SEMA6D: variants seen among roughly 807,000 people sequenced by gnomAD.
SEMA6D encodes semaphorin 6D, also known as semaphorin-6D.
In SEMA6D, 35 loss-of-function variants were observed where a neutral mutation model predicts 106.6. The ratio of observed to expected loss-of-function variants is 0.33; its 90% CI spans 0.25 to 0.44. The LOEUF (loss-of-function observed/expected upper bound fraction) is 0.44, where lower values mean the gene tolerates loss of function less well. Among genes scored for constraint, SEMA6D ranks in the 20% least tolerant of loss-of-function variants. The probability of loss-of-function intolerance (pLI) is 1.00; values close to 1 mark genes in which losing one functional copy is unlikely to be tolerated. For missense variants in SEMA6D, 1,185 were observed against 1,345.9 expected, an observed-to-expected ratio of 0.88 and a Z score of 1.87; for synonymous variants, 499 against 487.7, an observed-to-expected ratio of 1.02 and a Z score of -0.31.
chr15:47,669,667 C>T (rs2078101486), intron 4 of SEMA6D, among the ~76,000 whole-genome samples: 1 of 152,186 alleles, frequency 6.6e-6, no homozygotes, highest in Non-Finnish European at 1.5e-5. Flanking sequence ...GATATAAATT[C>T]CTCTGTCAAT....
chr15:47,715,719 C>T (rs906171182), upstream of SEMA6D, among the ~76,000 whole-genome samples: 3 of 152,192 alleles, frequency 2.0e-5, no homozygotes, highest in Non-Finnish European at 2.9e-5. Context: ...CTTCAGGTGG[C>T]ACTCTGGAAA....
At position 47,771,942 on chromosome 15, in the gene SEMA6D, A is replaced by G. The variant is rs1466079060; in HGVS notation, c.*157A>G. The G allele has an allele frequency of 1.0e-5, 7 of 691,526 alleles. No individual in the cohort carries two copies. The highest frequency in any genetic ancestry group is 1.7e-5 in the Non-Finnish European group (7 of 413,504). 42.8% of individuals were successfully genotyped at this position (691,526 alleles called of 1,614,324 possible). ...AACTTTGGCAACATCAGAACTTGCC[A>G]CATGTAGCTACTGCAGCAAGGCTTC... is the stretch of plus-strand genomic sequence containing the variant. On this transcript the variant is annotated 3_prime_UTR_variant, in exon 19 of 19. Coordinates refer to ENST00000536845, the MANE Select transcript of SEMA6D (RefSeq NM_001358351.3).
chr15:47,677,985 G>A (rs1566979477), intron 4 of SEMA6D, among the ~76,000 whole-genome samples: 1 of 152,118 alleles, frequency 6.6e-6, no homozygotes, highest in Non-Finnish European at 1.5e-5. Context: ...AAGGGAGTGT[G>A]AAAATGGGAA....
At chr15:47,755,192 C>T (rs1211443388) in intron 1 of SEMA6D, among the ~76,000 whole-genome samples, 1 of 151,942 alleles carries the variant, frequency 6.6e-6, no homozygotes, top group Non-Finnish European at 1.5e-5. Context: ...CCTCATGATC[C>T]CCCCGCCTCG....
intron 3 of SEMA6D, among the ~76,000 whole-genome samples, chr15:47,535,310 T>C (rs2142118639): frequency 6.6e-6 from 1 of 152,312 alleles, no homozygotes; most frequent in Admixed American, 6.5e-5. Context: ...GGTGTTCACC[T>C]ATCCCACAGA....
chr15:47,582,283 G>A (rs534046551), intron 3 of SEMA6D, among the ~76,000 whole-genome samples: 3 of 152,290 alleles, frequency 2.0e-5, no homozygotes, highest in Admixed American at 6.5e-5. Flanking sequence ...CATGAGACAC[G>A]AGGCATGAGA....
chr15:47,718,941 A>G (rs2079253978), intron 1 of SEMA6D: 1 of 152,190 alleles, frequency 6.6e-6, no homozygotes, highest in African/African-American at 2.4e-5. Flanking sequence ...AAACTGATAC[A>G]GTAGCCTCCT....
chr15:47,285,127 C>A (rs141290696), intron 1 of SEMA6D, among the ~76,000 whole-genome samples: 5 of 152,258 alleles, frequency 3.3e-5, no homozygotes, highest in African/African-American at 1.2e-4. Flanking sequence ...GCTGGCTCAC[C>A]ATTTGAGCTA....
chr15:47,617,633 A>T (rs1399953223), intron 4 of SEMA6D, among the ~76,000 whole-genome samples: 1 of 152,184 alleles, frequency 6.6e-6, no homozygotes, highest in Non-Finnish European at 1.5e-5. Context: ...TTTGAGAAAC[A>T]TTTAGCACGG....
At chr15:47,650,259 A>G (rs913576212) in intron 4 of SEMA6D, among the ~76,000 whole-genome samples, 31 of 152,184 alleles carry the variant, frequency 2.0e-4, no homozygotes, top group African/African-American at 7.5e-4. Flanking sequence ...ACTGGACACT[A>G]TCTCATCTAA....
chr15:47,458,734 T>C (rs2042415158), intron 2 of SEMA6D, among the ~76,000 whole-genome samples: 1 of 151,994 alleles, frequency 6.6e-6, no homozygotes, highest in African/African-American at 2.4e-5. Context: ...TGACTGATAG[T>C]ACTAAACACC....
At chr15:47,359,549 C>A (rs2038719389) in intron 1 of SEMA6D, 4 of 151,994 alleles carry the variant, frequency 2.6e-5, no homozygotes. Context: ...GTTCTGAGAC[C>A]AAGATTCTAC....
rs969270433 is a variant in SEMA6D at position 47,722,223 on chromosome 15, A to G, written c.-55+4531A>G. The stretch of plus-strand genomic sequence containing the variant: ...AAGATCAAACCACCAGAATCACAGA[A>G]TTAGAAGGAGCCATTCAGCCACCAC... On this transcript the variant is annotated intron_variant, in intron 1 of 18. Coordinates refer to ENST00000536845, the MANE Select transcript of SEMA6D (RefSeq NM_001358351.3). 2.6e-5 allele frequency among the ~76,000 whole-genome samples: 4 copies of G among 152,174 alleles called. No homozygotes were observed. The South Asian group carries it at 8.3e-4, about 31-fold the overall frequency.
chr15:47,288,771 A>T (rs561943176), intron 1 of SEMA6D, among the ~76,000 whole-genome samples: 1 of 152,292 alleles, frequency 6.6e-6, no homozygotes, highest in Non-Finnish European at 1.5e-5. Context: ...ACTGCTGTGA[A>T]TATTCCATCT....
intron 2 of SEMA6D, among the ~76,000 whole-genome samples, chr15:47,456,255 C>T (rs74011452): frequency 1.0e-3 from 153 of 152,030 alleles, no homozygotes; most frequent in African/African-American, 3.6e-3. Flanking sequence ...AGTCCATACA[C>T]CTCCATGGTA....
intron 1 of SEMA6D, among the ~76,000 whole-genome samples, chr15:47,391,140 CTCTACCAGACAGCAGT>C (rs2040015432): frequency 1.3e-5 from 2 of 152,094 alleles, no homozygotes; most frequent in African/African-American, 4.8e-5. Context: ...ATTCCAGGTC[CTCTACCAGACAGCAGT>C]TCATAAAAGC....
chr15:47,458,469 A>G (rs146122483), intron 2 of SEMA6D, among the ~76,000 whole-genome samples: 1 of 152,028 alleles, frequency 6.6e-6, no homozygotes. Context: ...CCATAAAAGA[A>G]GTCTTATTAA....
intron 1 of SEMA6D, among the ~76,000 whole-genome samples, chr15:47,269,816 G>C (rs762041295): frequency 5.9e-5 from 9 of 151,956 alleles, no homozygotes; most frequent in Non-Finnish European, 1.0e-4. Flanking sequence ...ATCCTTCCAA[G>C]TAAAAGCTAT....
intron 4 of SEMA6D, among the ~76,000 whole-genome samples, chr15:47,681,204 A>G (rs913291489): frequency 1.3e-5 from 2 of 152,242 alleles, no homozygotes; most frequent in African/African-American, 4.8e-5. Context: ...GAAAATATGA[A>G]TAGATGGATT....
Sources: allele counts gnomAD v4.1 joint callset (sites outside exome capture counted in the v4.1 genomes callset), GRCh38; gene constraint gnomAD v4.1.1; transcripts MANE v1.5; gene names NCBI Gene and HGNC (gene_info 2026-07-23, HGNC 2026-07-21).